Variants in MAP4K4 observed in about 807,000 individuals in gnomAD.
MAP4K4 encodes mitogen-activated protein kinase kinase kinase kinase 4, also known as HPK/GCK-like kinase HGK.
Under a neutral mutation model 189.6 loss-of-function variants are expected in MAP4K4, and 38 were observed. The observed-to-expected ratio is 0.20, with a 90% CI of 0.15 to 0.26. MAP4K4 has a LOEUF of 0.26. MAP4K4 is among the 10% of genes least tolerant of loss of function. The pLI is 1.00. For missense variants in MAP4K4, 1,054 were observed against 1,726.9 expected (o/e 0.61, Z 6.91); for synonymous variants, 610 against 624.3 (o/e 0.98, Z 0.34).
exon 33 of MAP4K4, chr2:101,893,520 G>A (rs1381341714): frequency 3.0e-6 from 1 of 329,202 alleles, no homozygotes; most frequent in African/African-American, 2.2e-5. Context: ...ACATGCCACA[G>A]TGAACACACT....
chr2:101,842,511 G>T (rs899826704), intron 10 of MAP4K4, 98 bp from the exon 11 acceptor site: 22 of 799,154 alleles, frequency 2.8e-5, no homozygotes, highest in Non-Finnish European at 3.4e-5. Context: ...CAGGGAACTT[G>T]TTTATTTTCT....
At chr2:101,811,521 G>T (rs1308865500) in intron 3 of MAP4K4, among the ~76,000 whole-genome samples, 1 of 151,966 alleles carries the variant, frequency 6.6e-6, no homozygotes. Flanking sequence ...CTTGACAGCT[G>T]CCCAAGCTCA....
At chr2:101,850,676 T>C (rs2097256748) in intron 12 of MAP4K4, among the ~76,000 whole-genome samples, 1 of 152,220 alleles carries the variant, frequency 6.6e-6, no homozygotes, top group Admixed American at 6.5e-5. Context: ...AAGGCCTTGC[T>C]TCCTGTCAAG....
intron 2 of MAP4K4, among the ~76,000 whole-genome samples, chr2:101,767,283 C>T (rs74351966): frequency 1.5e-3 from 224 of 152,194 alleles, no homozygotes; most frequent in Admixed American, 3.5e-3. Flanking sequence ...AAGAGCAAAC[C>T]GAGAGCCACA....
At chr2:101,750,541 G>A (rs1211181776) in intron 2 of MAP4K4, among the ~76,000 whole-genome samples, 1 of 149,112 alleles carries the variant, frequency 6.7e-6, no homozygotes, top group East Asian at 2.0e-4. Context: ...GGATAGCATT[G>A]GGAGATATAC....
chr2:101,872,179 G>A (rs548116467), intron 24 of MAP4K4, among the ~76,000 whole-genome samples: 6 of 150,092 alleles, frequency 4.0e-5, no homozygotes, highest in Admixed American at 6.6e-5. Context: ...TTTCTTGTTT[G>A]GGGGGTGGGT....
chr2:101,766,886 T>A (rs116446975), intron 2 of MAP4K4, among the ~76,000 whole-genome samples: 1 of 152,278 alleles, frequency 6.6e-6, no homozygotes, highest in African/African-American at 2.4e-5. Context: ...AAGCAGAGAC[T>A]TACTGAAAAT....
chr2:101,792,756 G>A (rs1034600522), intron 3 of MAP4K4, among the ~76,000 whole-genome samples: 8 of 151,716 alleles, frequency 5.3e-5, no homozygotes, highest in Non-Finnish European at 1.2e-4. Context: ...CTGCCTCAGC[G>A]TCTGTAGTAG....
chr2:101,748,191 T>C (rs1440528701), intron 2 of MAP4K4, among the ~76,000 whole-genome samples: 2 of 152,208 alleles, frequency 1.3e-5, no homozygotes, highest in African/African-American at 4.8e-5. Context: ...GTACCTTGCT[T>C]TTTGGCTTCT....
At chr2:101,803,245 A>ATGATGATGTGTGTG (rs1553484242) in intron 3 of MAP4K4, among the ~76,000 whole-genome samples, 9 of 150,244 alleles carry the variant, frequency 6.0e-5, no homozygotes, top group African/African-American at 2.2e-4. Flanking sequence ...GATGATGATG[A>ATGATGATGTGTGTG]TGTGTGTGTG....
intron 3 of MAP4K4, among the ~76,000 whole-genome samples, chr2:101,792,925 C>T (rs1052230750): frequency 6.6e-5 from 10 of 152,282 alleles, no homozygotes; most frequent in Middle Eastern, 3.4e-3. Context: ...TGAGCCACCG[C>T]GTCTGGCCCT....
chr2:101,775,425 T>C (rs566052810), intron 2 of MAP4K4, among the ~76,000 whole-genome samples: 1 of 151,982 alleles, frequency 6.6e-6, no homozygotes, highest in Non-Finnish European at 1.5e-5. Flanking sequence ...GGAACCCTTC[T>C]TAAAGGAGAG....
intron 2 of MAP4K4, among the ~76,000 whole-genome samples, chr2:101,717,978 C>A (rs2149395595): frequency 6.6e-6 from 1 of 152,038 alleles, no homozygotes; most frequent in East Asian, 1.9e-4. Context: ...CTATCTTGGC[C>A]AGGCATGGTG....
intron 3 of MAP4K4, among the ~76,000 whole-genome samples, chr2:101,800,166 A>G (rs1467281913): frequency 6.6e-6 from 1 of 151,494 alleles, no homozygotes; most frequent in Non-Finnish European, 1.5e-5. Context: ...ATCTTGCTTC[A>G]TCCCCCAGGT....
intron 5 of MAP4K4, among the ~76,000 whole-genome samples, chr2:101,828,382 G>A (rs2096456548): frequency 6.6e-6 from 1 of 152,182 alleles, no homozygotes; most frequent in South Asian, 2.1e-4. Context: ...GAGGTGCTTT[G>A]TTCCTAACTA....
At chr2:101,792,776 C>T (rs979229227) in intron 3 of MAP4K4, among the ~76,000 whole-genome samples, 2 of 152,094 alleles carry the variant, frequency 1.3e-5, no homozygotes, top group Non-Finnish European at 2.9e-5. Context: ...GCTGGGATTA[C>T]AGGCTCCCAC....
At chr2:101,840,816 C>G (rs1000837616) in intron 10 of MAP4K4, among the ~76,000 whole-genome samples, 1 of 152,186 alleles carries the variant, frequency 6.6e-6, no homozygotes, top group Non-Finnish European at 1.5e-5. Flanking sequence ...TGGTCAAAGT[C>G]TGGAGGCCTT....
At chr2:101,847,625 A>G (rs2097150718) in intron 12 of MAP4K4, among the ~76,000 whole-genome samples, 1 of 152,274 alleles carries the variant, frequency 6.6e-6, no homozygotes, top group African/African-American at 2.4e-5. Context: ...ATTTAAAGAA[A>G]GAAAATATTT....
chr2:101,835,669 T>C (rs2096729427), intron 8 of MAP4K4, among the ~76,000 whole-genome samples: 1 of 152,334 alleles, frequency 6.6e-6, no homozygotes, highest in East Asian at 1.9e-4. Context: ...TTCCAATGTC[T>C]TTTTGAAAAT....
Sources: allele counts gnomAD v4.1 joint callset (sites outside exome capture counted in the v4.1 genomes callset), GRCh38; gene constraint gnomAD v4.1.1; transcripts MANE v1.5; gene names NCBI Gene and HGNC (gene_info 2026-07-23, HGNC 2026-07-21).